YTHDF2: variants seen among roughly 807,000 people sequenced by gnomAD.
The protein encoded by YTHDF2 is YTH N6-methyladenosine RNA binding protein F2, also known as YTH domain-containing family protein 2.
Under a neutral mutation model 50.4 loss-of-function variants are expected in YTHDF2, and 2 were observed. The observed-to-expected ratio is 0.04, with a 90% CI of 0.02 to 0.12. The LOEUF (loss-of-function observed/expected upper bound fraction) is 0.12, where lower values mean the gene tolerates loss of function less well. Ranked by LOEUF, YTHDF2 falls within the 10% of genes least tolerant of loss-of-function variation. The probability of loss-of-function intolerance (pLI) is 1.00; values close to 1 mark genes in which losing one functional copy is unlikely to be tolerated. For synonymous variants in YTHDF2, 217 were observed against 255.6 expected, an observed-to-expected ratio of 0.85 and a Z score of 1.44; for missense variants, 483 against 722.6, an observed-to-expected ratio of 0.67 and a Z score of 3.80.
At chr1:28,747,149 T>C (rs2087876540) in intron 4 of YTHDF2, among the ~76,000 whole-genome samples, 1 of 152,252 alleles carries the variant, frequency 6.6e-6, no homozygotes, top group African/African-American at 2.4e-5. Flanking sequence ...GTTCAGTTAA[T>C]GATAATTGAA....
At chr1:28,741,057 G>A (rs1466932558) in intron 3 of YTHDF2, among the ~76,000 whole-genome samples, 1 of 151,984 alleles carries the variant, frequency 6.6e-6, no homozygotes, top group Non-Finnish European at 1.5e-5. Context: ...GCAGTGCAGT[G>A]GTGCAGTCCG....
intron 4 of YTHDF2, among the ~76,000 whole-genome samples, chr1:28,744,503 C>T (rs570895859): frequency 6.6e-6 from 1 of 152,276 alleles, no homozygotes; most frequent in African/African-American, 2.4e-5. Flanking sequence ...CTGATTTCCT[C>T]TGTAACAAGT....
At chr1:28,737,769 G>T in intron 2 of YTHDF2, 87 bp downstream of exon 2, 1 of 1,531,142 alleles carries the variant, frequency 6.5e-7, no homozygotes. Flanking sequence ...CCCGGGCGGA[G>T]GACCTTTCGG....
At position 28,744,063 on chromosome 1, in the gene YTHDF2, C is replaced by A. The variant is rs549270289; in HGVS notation, c.1716+77C>A. 4.1e-5 allele frequency: 57 copies of A among 1,397,608 alleles called. No individual in the cohort carries two copies. The African/African-American group carries it at 7.4e-4, about 18-fold the overall frequency. The allele number at this position is 1,397,608 out of a possible 1,614,324, so 86.6% of individuals were successfully genotyped here. A position where few individuals can be genotyped will look rare whatever the true frequency, so the allele number is the denominator to read the frequency against. On this transcript the variant is annotated intron_variant, in intron 4 of 4. Transcript: ENST00000373812. ...ACAGAAGAGGTATTATATAGTGAAC[C>A]GTTAATAAAAACTCTGTAAATGAAT... is the stretch of plus-strand genomic sequence containing the variant.
chr1:28,753,704 C>CTT (rs550956079), intron 4 of YTHDF2, among the ~76,000 whole-genome samples: 12 of 132,502 alleles, frequency 9.1e-5, no homozygotes, highest in Non-Finnish European at 3.3e-5. Flanking sequence ...GGATTTTATT[C>CTT]TTTTTTTTTT....
At chr1:28,747,584 A>C (rs2087883425) in intron 4 of YTHDF2, among the ~76,000 whole-genome samples, 1 of 137,710 alleles carries the variant, frequency 7.3e-6, no homozygotes, top group African/African-American at 2.7e-5. Context: ...GACGAATCTC[A>C]CTCTGTCGCC....
At position 28,766,167 on chromosome 1, in the gene YTHDF2, C is replaced by A. The variant is rs559818062; in HGVS notation, c.1717-2762C>A. 8.5e-5 allele frequency among the ~76,000 whole-genome samples: 13 copies of A among 152,298 alleles called. No individual in the cohort carries two copies. In the South Asian group the frequency reaches 2.7e-3, roughly 32 times the overall value. Reference sequence around the variant, plus strand: ...TTGCCTAGGCCAGAGTGCAGTGGCACGATCATGGCTCACTGCTGCCTTCAT... The same window carrying A: ...TTGCCTAGGCCAGAGTGCAGTGGCAAGATCATGGCTCACTGCTGCCTTCAT... On this transcript the variant is annotated intron_variant, in intron 4 of 4. Coordinates refer to ENST00000373812, the MANE Select transcript of YTHDF2 (RefSeq NM_016258.3).
At chr1:28,737,481 A>G (rs1030545905) in intron 1 of YTHDF2, 177 bp from the exon 2 acceptor site, 2 of 849,062 alleles carry the variant, frequency 2.4e-6, no homozygotes, top group African/African-American at 1.8e-5. Flanking sequence ...CCCCTGCCCC[A>G]CGGGCCTGGC....
chr1:28,761,127 G>GTTTT (rs1350271264), intron 4 of YTHDF2, among the ~76,000 whole-genome samples: 1 of 59,956 alleles, frequency 1.7e-5, no homozygotes, highest in African/African-American at 1.1e-4. Context: ...GTGTGTGTGT[G>GTTTT]TGTATTTTTT....
At chr1:28,757,378 CCT>C (rs1315733419) in intron 4 of YTHDF2, among the ~76,000 whole-genome samples, 2 of 152,254 alleles carry the variant, frequency 1.3e-5, no homozygotes, top group African/African-American at 4.8e-5. Context: ...TGGCCAATCC[CCT>C]GTGTGAACTG....
At position 28,738,253 on chromosome 1, in the gene YTHDF2, C is replaced by T. The variant is rs542267235; in HGVS notation, c.53-6C>T. On this transcript the variant is annotated splice_region_variant and splice_polypyrimidine_tract_variant and intron_variant, in intron 2 of 4. Transcript: ENST00000373812. ...GACACTCCTAATTGAATTTTTTTTT[C>T]TTTAGTACAAAATGGATCTGTACAT... The T allele has an allele frequency of 6.1e-4, 984 of 1,606,668 alleles. No individual in the cohort carries two copies. The highest frequency in any genetic ancestry group is 7.9e-4 in the Admixed American group (46 of 58,356).
chr1:28,768,925 G>A lies in YTHDF2; in HGVS notation c.1717-4G>A. The A allele has an allele frequency of 6.3e-7, 1 of 1,591,534 alleles. No individual in the cohort carries two copies. The highest frequency in any genetic ancestry group is 1.2e-5 in the South Asian group (1 of 86,744). ...CCATTTCAATTTTTTTCTTACCTCT[G>A]TAGGAACGTCAAGGTCGTGGGAAAT... is the stretch of plus-strand genomic sequence containing the variant. On this transcript the variant is annotated splice_region_variant and splice_polypyrimidine_tract_variant and intron_variant, in intron 4 of 4. Transcript: ENST00000373812.
intron 4 of YTHDF2, among the ~76,000 whole-genome samples, chr1:28,756,592 C>T (rs1570474708): frequency 6.6e-6 from 1 of 151,884 alleles, no homozygotes; most frequent in East Asian, 1.9e-4. Flanking sequence ...CACTAGATGA[C>T]AGTGAATTTT....
At chr1:28,745,279 C>T (rs1365868130) in intron 4 of YTHDF2, among the ~76,000 whole-genome samples, 2 of 152,066 alleles carry the variant, frequency 1.3e-5, no homozygotes, top group Admixed American at 6.6e-5. Flanking sequence ...TTTTATCTTT[C>T]AGTGGGTACA....
intron 1 of YTHDF2, chr1:28,737,392 TTTTCCTTCCTTG>T (rs2087709577): frequency 1.6e-6 from 1 of 624,636 alleles, no homozygotes. Context: ...GCGGGCCTCG[TTTTCCTTCCTTG>T]TTTCCTTCCC....
chr1:28,747,474 C>G lies in YTHDF2; in HGVS notation c.1716+3488C>G, dbSNP rs1196985310. 2.7e-5 allele frequency among the ~76,000 whole-genome samples: 4 copies of G among 147,558 alleles called. No individual in the cohort carries two copies. In the East Asian group the frequency reaches 8.4e-4, roughly 31 times the overall value. ...AATCCCAGCTACTACTTGCAGTGGG[C>G]TGAGATTGAGCCATTGCAATCCAGC... On this transcript the variant is annotated intron_variant, in intron 4 of 4. Transcript: ENST00000373812.
rs1162531290 is a variant in YTHDF2, at chr1:28,742,676, A to G, written c.406A>G (p.Asn136Asp). The G allele has an allele frequency of 6.2e-7, 1 of 1,614,188 alleles. No homozygotes were observed. Among genetic ancestry groups the G allele is most frequent in the Admixed American group, 1.7e-5 (1 of 60,012 alleles). Residue 136 changes from asparagine (N) to aspartate (D), a missense_variant, in exon 4 of 5, where the codon AAT becomes GAT. By Grantham distance (23) the Asn-to-Asp change is conservative. This residue lies in a region of YTHDF2 where 385 missense variants were observed against 475.8 expected (regional missense o/e 0.81). Coordinates refer to ENST00000373812, the MANE Select transcript of YTHDF2 (RefSeq NM_016258.3). ...TGGGATTGACTTCTCAGCATGGGGA[A>G]ATAACAGTTCTCAGGGACAGTCTAC... ...PSGIDFSAWG[N>D]NSSQGQSTQS...
At chr1:28,768,130 C>T (rs867413962) in intron 4 of YTHDF2, among the ~76,000 whole-genome samples, 2 of 151,632 alleles carry the variant, frequency 1.3e-5, no homozygotes, top group Admixed American at 6.6e-5. Context: ...CCCGGGAGGC[C>T]GAGGTTGCAG....
intron 4 of YTHDF2, among the ~76,000 whole-genome samples, chr1:28,754,148 CCTTA>C (rs1352604605): frequency 1.3e-5 from 2 of 152,190 alleles, no homozygotes; most frequent in African/African-American, 4.8e-5. Context: ...ACTTTCATAG[CCTTA>C]CTTTAATCCC....
Sources: gnomAD v4.1 joint callset for allele counts (sites outside exome capture counted in the v4.1 genomes callset) on GRCh38, gnomAD v4.1.1 for gene constraint, gnomAD v4.1.1 regional missense constraint, MANE v1.5 for transcripts, NCBI Gene and HGNC (gene_info 2026-07-23, HGNC 2026-07-21) for gene names.